PAX7: variants seen among roughly 807,000 people sequenced by gnomAD.
PAX7 encodes the protein paired box protein Pax-7.
In PAX7, 18 loss-of-function variants were observed where a neutral mutation model predicts 50.7. That is an observed-to-expected ratio of 0.36 (90% CI 0.25 to 0.53). The LOEUF (loss-of-function observed/expected upper bound fraction) is 0.53. Ranked by LOEUF, PAX7 falls within the 20% of genes least tolerant of loss-of-function variation. PAX7 has a pLI of 0.93. For synonymous variants in PAX7, 310 were observed against 290.4 expected (o/e 1.07, Z -0.69); for missense variants, 644 against 702.9 (o/e 0.92, Z 0.95).
At chr1:18,651,298 G>A (rs2142676) in intron 4 of PAX7, among the ~76,000 whole-genome samples, 7,989 of 152,162 alleles carry the variant, frequency 0.053, 410 homozygotes, top group African/African-American at 0.13. Flanking sequence ...AGTCAAAAGC[G>A]CATTGTCTCA....
At chr1:18,680,283 C>T (rs114256493) in intron 4 of PAX7, among the ~76,000 whole-genome samples, 140 of 152,264 alleles carry the variant, frequency 9.2e-4, no homozygotes, top group African/African-American at 3.3e-3. Context: ...TCCAAGAGGA[C>T]AAGTGACAAG....
At chr1:18,678,661 G>A (rs1473338657) in intron 4 of PAX7, among the ~76,000 whole-genome samples, 3 of 152,180 alleles carry the variant, frequency 2.0e-5, no homozygotes, top group Non-Finnish European at 4.4e-5. Context: ...GGCACAGGCA[G>A]CAAGTGCCAC....
At chr1:18,686,773 GC>G (rs2088981522) in intron 4 of PAX7, among the ~76,000 whole-genome samples, 1 of 151,984 alleles carries the variant, frequency 6.6e-6, no homozygotes, top group East Asian at 1.9e-4. Flanking sequence ...TGTACTCCCC[GC>G]CCCGTTTCCT....
intron 4 of PAX7, among the ~76,000 whole-genome samples, chr1:18,637,099 G>T (rs1047840681): frequency 6.6e-6 from 1 of 151,682 alleles, no homozygotes; most frequent in Non-Finnish European, 1.5e-5. Context: ...CGGCTTCCGC[G>T]GGCAGGCTGG....
At chr1:18,682,273 T>C (rs977940833) in intron 4 of PAX7, among the ~76,000 whole-genome samples, 12 of 152,030 alleles carry the variant, frequency 7.9e-5, no homozygotes, top group Admixed American at 5.2e-4. Flanking sequence ...GATCCTCACA[T>C]TGCCAATGCT....
At chr1:18,732,974 G>A (rs907345182) in intron 7 of PAX7, among the ~76,000 whole-genome samples, 4 of 152,126 alleles carry the variant, frequency 2.6e-5, no homozygotes, top group Non-Finnish European at 5.9e-5. Flanking sequence ...GTGATCTGGA[G>A]CCTGAGTGTT....
intron 8 of PAX7, among the ~76,000 whole-genome samples, chr1:18,743,692 G>T (rs935327234): frequency 3.3e-5 from 5 of 152,210 alleles, no homozygotes; most frequent in African/African-American, 1.2e-4. Context: ...GATTTCTTTT[G>T]TAGCCTCAGA....
In PAX7 at chr1:18,735,809, C is replaced by T; in HGVS notation, c.1333C>T (p.Pro445Ser). The part of the protein sequence containing the change: ...SLPTSQAYCP[P>S]TYSTTGYSVD... ...GCCCACCTCCCAGGCCTACTGCCCACCCACCTACAGCACCACCGGCTACAG... is the reference window on the plus strand; with the variant it reads ...GCCCACCTCCCAGGCCTACTGCCCATCCACCTACAGCACCACCGGCTACAG... The change falls in exon 8 of 9, where the codon CCC (proline) becomes TCC (serine). Residue 445 changes from proline (P) to serine (S), a missense_variant. Physicochemically the swap from Pro to Ser is moderately conservative, Grantham distance 74. Coordinates refer to ENST00000420770, the MANE Select transcript of PAX7 (RefSeq NM_001135254.2). The surrounding 1 kb of genome is among the most constrained non-coding windows in gnomAD (Gnocchi z 4.0). 1.2e-6 allele frequency: 2 copies of T among 1,614,150 alleles called. No individual in the cohort carries two copies. The highest frequency in any genetic ancestry group is 1.7e-6 in the Non-Finnish European group (2 of 1,180,028).
At chr1:18,744,203 C>A (rs1279303744) in intron 8 of PAX7, among the ~76,000 whole-genome samples, 1 of 152,126 alleles carries the variant, frequency 6.6e-6, no homozygotes, top group Admixed American at 6.5e-5. Flanking sequence ...AGAGACCTTG[C>A]CCTCATCATT....
chr1:18,720,661 T>G (rs1412077897), intron 7 of PAX7, among the ~76,000 whole-genome samples: 2 of 150,360 alleles, frequency 1.3e-5, no homozygotes, highest in East Asian at 4.0e-4. Flanking sequence ...TGGGTGTGGA[T>G]GGACCCACTG....
At chr1:18,732,255 G>A (rs377358571) in intron 7 of PAX7, among the ~76,000 whole-genome samples, 1 of 152,334 alleles carries the variant, frequency 6.6e-6, no homozygotes, top group East Asian at 1.9e-4. Flanking sequence ...TAGGCCGACA[G>A]CTCCAGGAGG....
chr1:18,706,846 G>A (rs1179885668), intron 7 of PAX7, among the ~76,000 whole-genome samples: 1 of 152,046 alleles, frequency 6.6e-6, no homozygotes, highest in Non-Finnish European at 1.5e-5. Flanking sequence ...TGGCTCTACC[G>A]AGAACCTGGA....
intron 7 of PAX7, among the ~76,000 whole-genome samples, chr1:18,727,762 G>A (rs2089592808): frequency 6.6e-6 from 1 of 152,214 alleles, no homozygotes; most frequent in African/African-American, 2.4e-5. Flanking sequence ...AGGAGTCAGG[G>A]GGCTGGGTCG....
At chr1:18,732,379 T>C (rs1345959052) in intron 7 of PAX7, among the ~76,000 whole-genome samples, 2 of 152,034 alleles carry the variant, frequency 1.3e-5, no homozygotes, top group African/African-American at 4.8e-5. Context: ...TCAGCAGAGG[T>C]TTTCTGAGCT....
intron 4 of PAX7, among the ~76,000 whole-genome samples, chr1:18,661,849 G>C (rs1247966542): frequency 6.6e-6 from 1 of 152,248 alleles, no homozygotes; most frequent in African/African-American, 2.4e-5. Flanking sequence ...CAGTGACAGG[G>C]GGTGGGCGGA....
Position 18,735,731 on chromosome 1 carries a change from A to G in PAX7, c.1255A>G (p.Ile419Val). 8 of 1,613,972 alleles carry G rather than the reference A, an allele frequency of 5.0e-6. No individual in the cohort carries two copies. The highest frequency in any genetic ancestry group is 5.9e-6 in the Non-Finnish European group (7 of 1,179,978). ...LHGGLDSATS[I>V]SASCSQRADS... is the part of the protein sequence containing the mutation. ...TGGCGGCCTGGACTCGGCCACCTCC[A>G]TCTCAGCCAGCTGCAGCCAGCGGGC... The change falls in exon 8 of 9, where the codon ATC becomes GTC. Residue 419 changes from isoleucine to valine, a missense_variant. Physicochemically the swap from Ile to Val is conservative, Grantham distance 29. Coordinates refer to ENST00000420770, the MANE Select transcript of PAX7 (RefSeq NM_001135254.2). This position sits in a 1 kb window ranked among gnomAD's most constrained non-coding sequence, Gnocchi z 4.0.
intron 4 of PAX7, among the ~76,000 whole-genome samples, chr1:18,658,099 G>A (rs1231751330): frequency 3.9e-5 from 6 of 152,198 alleles, no homozygotes; most frequent in Admixed American, 2.0e-4. Flanking sequence ...CCAAAGCTCC[G>A]TCCATCACTT....
rs1318205949 is a variant in PAX7, at chr1:18,700,912, A to G, written c.952+94A>G. 6.0e-6 allele frequency: 7 copies of G among 1,167,754 alleles called. No homozygotes were observed. The highest frequency in any genetic ancestry group is 6.4e-5 in the East Asian group (2 of 31,458). 72.3% of individuals were successfully genotyped at this position (1,167,754 alleles called of 1,614,324 possible). ...AAAGGCTCTTCTTTTTTTTATGACC[A>G]TTTCTTACTTTCATGTAAGCAGGCT... On this transcript the variant is annotated intron_variant, in intron 6 of 8. Transcript: ENST00000420770. The surrounding 1 kb of genome is among the most constrained non-coding windows in gnomAD (Gnocchi z 4.8).
intron 5 of PAX7, among the ~76,000 whole-genome samples, chr1:18,694,911 A>C (rs2089131459): frequency 6.6e-6 from 1 of 150,608 alleles, no homozygotes; most frequent in South Asian, 2.1e-4. Context: ...GAGGTCTTTG[A>C]GTTATGACCT....
Sources: gnomAD v4.1 joint callset for allele counts (sites outside exome capture counted in the v4.1 genomes callset) on GRCh38, gnomAD v4.1.1 for gene constraint, Gnocchi (gnomAD v3.1) non-coding constraint, MANE v1.5 for transcripts, NCBI Gene and HGNC (gene_info 2026-07-23, HGNC 2026-07-21) for gene names.